Variants in YTHDC2 observed in about 807,000 individuals in gnomAD.
YTHDC2 encodes the protein 3'-5' RNA helicase YTHDC2.
Under a neutral mutation model 174.9 loss-of-function variants are expected in YTHDC2, and 45 were observed. The observed-to-expected ratio is 0.26, with a 90% CI of 0.20 to 0.33. The LOEUF is 0.33. Among genes scored for constraint, YTHDC2 ranks in the 10% least tolerant of loss-of-function variants. The pLI is 1.00. For synonymous variants in YTHDC2, 657 were observed against 574.5 expected, an observed-to-expected ratio of 1.14 and a Z score of -2.05; for missense variants, 1,650 against 1,723.7, an observed-to-expected ratio of 0.96 and a Z score of 0.76.
chr5:113,520,616 C>T (rs1396206604), intron 2 of YTHDC2, among the ~76,000 whole-genome samples: 1 of 151,796 alleles, frequency 6.6e-6, no homozygotes, highest in Non-Finnish European at 1.5e-5. Context: ...AAGGATAGAC[C>T]TTGACCTGAA....
intron 2 of YTHDC2, among the ~76,000 whole-genome samples, chr5:113,523,172 T>C (rs748910079): frequency 1.3e-5 from 2 of 152,128 alleles, no homozygotes; most frequent in Non-Finnish European, 1.5e-5. Context: ...ATGAATAAAA[T>C]ACAATTAAAG....
chr5:113,523,800 A>G (rs7727209), intron 2 of YTHDC2, among the ~76,000 whole-genome samples: 2,571 of 152,234 alleles, frequency 0.017, 73 homozygotes, highest in African/African-American at 0.058. Flanking sequence ...GATACTGTTG[A>G]TAAAATTTAC....
chr5:113,563,452 C>T lies in YTHDC2; in HGVS notation c.2402C>T (p.Pro801Leu), dbSNP rs1464653866. Residue 801 changes from proline (P) to leucine (L), a missense_variant, in exon 19 of 30, where the codon CCA becomes CTA. By Grantham distance (98) the Pro-to-Leu change is moderately conservative (BLOSUM62 -3). Around this residue, in one of 5 missense-constraint regions of YTHDC2, gnomAD observed 913 missense variants for 940.4 expected, o/e 0.97. Transcript: ENST00000161863. ...TTTCTTATGAAAGCTCCTGAACCTCCACCAGCTTTAATTGTAAGAAATGCT... is the reference window on the plus strand; with the variant it reads ...TTTCTTATGAAAGCTCCTGAACCTCTACCAGCTTTAATTGTAAGAAATGCT... ...ADFLMKAPEP[P>L]PALIVRNAVQ... The T allele has an allele frequency of 6.2e-7, 1 of 1,610,684 alleles. No homozygotes were observed. The highest frequency in any genetic ancestry group is 1.1e-5 in the South Asian group (1 of 90,294).
chr5:113,571,831 C>A (rs1459179853), intron 23 of YTHDC2, among the ~76,000 whole-genome samples: 7 of 152,178 alleles, frequency 4.6e-5, no homozygotes, highest in African/African-American at 1.7e-4. Flanking sequence ...TCCCTTGTAT[C>A]ATTTTTATTG....
In YTHDC2 at chr5:113,591,979, TC is replaced by T; in HGVS notation, c.4030-14del. 6.3e-7 allele frequency: 1 copy of T among 1,579,922 alleles called. No individual in the cohort carries two copies. Among genetic ancestry groups the T allele is most frequent in the East Asian group, 2.3e-5 (1 of 44,084 alleles). On this transcript the variant is annotated splice_polypyrimidine_tract_variant and intron_variant, in intron 27 of 29. Transcript: ENST00000161863. Reference sequence around the variant, plus strand: ...TCTCCTCCTCACCTCTATTCCTTCCTCCCATTTTACCTACAGGGATTTTCTA... The same window carrying T: ...TCTCCTCCTCACCTCTATTCCTTCCTCCATTTTACCTACAGGGATTTTCTA...
intron 28 of YTHDC2, chr5:113,592,642 T>G (rs1779069923): frequency 6.6e-6 from 1 of 152,586 alleles, no homozygotes; most frequent in Non-Finnish European, 1.5e-5. Flanking sequence ...AAAGATTAGT[T>G]TTGCCTAAGG....
In YTHDC2 at chr5:113,567,670, G is replaced by A. The variant is rs760288390; in HGVS notation, c.3065G>A (p.Gly1022Asp). The A allele has an allele frequency of 6.2e-7, 1 of 1,600,276 alleles. No homozygotes were observed. Among genetic ancestry groups the A allele is most frequent in the East Asian group, 2.3e-5 (1 of 44,274 alleles). The change falls in exon 23 of 30, where the codon GGT (glycine) becomes GAT (aspartate). Residue 1022 changes from glycine to aspartate, a missense_variant. Around this residue, in one of 5 missense-constraint regions of YTHDC2, gnomAD observed 913 missense variants for 940.4 expected, o/e 0.97. Coordinates refer to ENST00000161863, the MANE Select transcript of YTHDC2 (RefSeq NM_022828.5). ...TCTTAATAGATTCCTCCAGCCAATG[G>A]TCAAGCTGCAGCAATTAAGGCACTG... ...PQYKKIPPAN[G>D]QAAAIKALPT...
rs765587082 is a variant in YTHDC2, at chr5:113,542,417, A to T, written c.1409A>T (p.Asp470Val). ...CLEPWLIKEMDACLSDIWLHK... is the reference protein window; with the variant it reads ...CLEPWLIKEMVACLSDIWLHK... ...GAACCATGGTTAATAAAGGAAATGG[A>T]TGCTTGCCTTTCTGATATATGGCTA... The change falls in exon 10 of 30, where the codon GAT becomes GTT. Residue 470 changes from aspartate (D) to valine (V), a missense_variant. Physicochemically the swap from Asp to Val is radical, Grantham distance 152. Coordinates refer to ENST00000161863, the MANE Select transcript of YTHDC2 (RefSeq NM_022828.5). The T allele has an allele frequency of 6.2e-7, 1 of 1,613,002 alleles. No homozygotes were observed. The highest frequency in any genetic ancestry group is 1.1e-5 in the South Asian group (1 of 90,700).
chr5:113,540,851 A>G (rs1029486720), intron 8 of YTHDC2, 117 bp from the exon 9 acceptor site: 9 of 910,294 alleles, frequency 9.9e-6, no homozygotes, highest in Non-Finnish European at 9.6e-6. Flanking sequence ...AAAAGTAACT[A>G]CAGAATAAGA....
chr5:113,523,783 T>C (rs1227286761), intron 2 of YTHDC2, among the ~76,000 whole-genome samples: 1 of 152,090 alleles, frequency 6.6e-6, no homozygotes. Context: ...ATCACTCTTA[T>C]GGTGAAGATA....
chr5:113,519,623 G>A (rs1029270672), intron 2 of YTHDC2, among the ~76,000 whole-genome samples: 3 of 152,166 alleles, frequency 2.0e-5, no homozygotes, highest in Admixed American at 2.0e-4. Flanking sequence ...CAGTTCTGGA[G>A]GTCAGAAGTC....
intron 10 of YTHDC2, among the ~76,000 whole-genome samples, chr5:113,548,107 T>A (rs1298642782): frequency 6.6e-6 from 1 of 152,204 alleles, no homozygotes. Flanking sequence ...GTCTCAAACT[T>A]TGCATTTGAA....
intron 20 of YTHDC2, among the ~76,000 whole-genome samples, chr5:113,565,348 CCCCCAGCTCCTTCAAAAGCAGAGAG>C (rs1429917181): frequency 2.0e-5 from 3 of 152,044 alleles, no homozygotes; most frequent in Non-Finnish European, 4.4e-5. Flanking sequence ...CTTTGCTTTT[CCCCCAGCTCCTTCAAAAGCAGAGAG>C]GATAAATTAT....
intron 23 of YTHDC2, 118 bp from the exon 24 acceptor site, chr5:113,579,468 A>G: frequency 3.3e-6 from 2 of 604,070 alleles, no homozygotes; most frequent in Admixed American, 3.2e-5. Context: ...AGGACTTCCC[A>G]CACAAATTGT....
chr5:113,532,986 C>T lies in YTHDC2; in HGVS notation c.783C>T (p.Ala261=), dbSNP rs142475090. ...LAAIAVAERV[A]AERRERIGQT... ...CTATCGCTGTGGCTGAAAGAGTTGC[C>T]GCAGAGAGACGGGAAAGGATTGGTC... The change falls in exon 5 of 30, where the codon GCC becomes GCT. Residue 261 remains alanine (A), a synonymous_variant. Coordinates refer to ENST00000161863, the MANE Select transcript of YTHDC2 (RefSeq NM_022828.5). 4.5e-4 allele frequency: 719 copies of T among 1,614,072 alleles called. No individual in the cohort carries two copies. The highest frequency in any genetic ancestry group is 2.5e-3 in the Middle Eastern group (15 of 6,062).
chr5:113,532,954 T>C lies in YTHDC2; in HGVS notation c.751T>C (p.Leu251=). ...TATATTTTGTACTCAACCAAGACGATTGGCAGCTATCGCTGTGGCTGAAAG... is the reference window on the plus strand; with the variant it reads ...TATATTTTGTACTCAACCAAGACGACTGGCAGCTATCGCTGTGGCTGAAAG... The part of the protein sequence containing the change: ...CRIFCTQPRR[L]AAIAVAERVA... Residue 251 remains leucine, a synonymous_variant, in exon 5 of 30, where the codon TTG becomes CTG. Transcript: ENST00000161863. 4 of 1,614,186 alleles carry C rather than the reference T, an allele frequency of 2.5e-6. No homozygotes were observed. The highest frequency in any genetic ancestry group is 3.4e-6 in the Non-Finnish European group (4 of 1,180,030).
At chr5:113,557,803 A>C (rs927854672) in intron 17 of YTHDC2, among the ~76,000 whole-genome samples, 2 of 152,214 alleles carry the variant, frequency 1.3e-5, no homozygotes, top group African/African-American at 4.8e-5. Flanking sequence ...CTGTCTCAAA[A>C]AAAATAAAAT....
At chr5:113,521,663 G>A (rs1773866776) in intron 2 of YTHDC2, among the ~76,000 whole-genome samples, 1 of 151,356 alleles carries the variant, frequency 6.6e-6, no homozygotes, top group South Asian at 2.1e-4. Flanking sequence ...CCCAGGAGGC[G>A]GAGGTTGCAG....
chr5:113,591,080 C>G lies in YTHDC2; in HGVS notation c.3865C>G (p.Arg1289Gly). 1 of 1,613,836 alleles carries G rather than the reference C, an allele frequency of 6.2e-7. No homozygotes were observed. Among genetic ancestry groups the G allele is most frequent in the Non-Finnish European group, 8.5e-7 (1 of 1,179,876 alleles). ...TTCGCCAAGACCAAACATGCCTGTT[C>G]GATACTTCATAATGAAGAGTAGCAA... ...SPSPRPNMPV[R>G]YFIMKSSNLR... is the part of the protein sequence containing the mutation. The change falls in exon 27 of 30, where the codon CGA becomes GGA. Residue 1289 changes from arginine (R) to glycine (G), a missense_variant. Physicochemically the swap from Arg to Gly is moderately radical, Grantham distance 125. Transcript: ENST00000161863.
Sources: allele counts gnomAD v4.1 joint callset (sites outside exome capture counted in the v4.1 genomes callset), GRCh38; gene constraint gnomAD v4.1.1; regional missense constraint gnomAD v4.1.1; transcripts MANE v1.5; gene names NCBI Gene and HGNC (gene_info 2026-07-23, HGNC 2026-07-21).